MDGA2: variants seen among roughly 807,000 people sequenced by gnomAD.
The protein encoded by MDGA2 is MAM domain containing glycosylphosphatidylinositol anchor 2, also known as MAM domain-containing glycosylphosphatidylinositol anchor protein 2.
MDGA2 carries 40 observed loss-of-function variants against 117.8 expected under a neutral mutation model. The observed-to-expected ratio is 0.34, with a 90% CI of 0.26 to 0.44. The LOEUF (loss-of-function observed/expected upper bound fraction) is 0.44. MDGA2 is among the 20% of genes least tolerant of loss of function. The pLI, the probability that MDGA2 is intolerant of heterozygous loss-of-function variation, is 1.00. For synonymous variants in MDGA2, 452 were observed against 439.0 expected (o/e 1.03, Z -0.37); for missense variants, 1,123 against 1,250.6 (o/e 0.90, Z 1.54).
intron 1 of MDGA2, among the ~76,000 whole-genome samples, chr14:47,456,058 G>T (rs1020103057): frequency 7.2e-5 from 11 of 151,734 alleles, no homozygotes; most frequent in African/African-American, 2.7e-4. Context: ...GAAAGAACAT[G>T]AGTGAGAATG....
At position 47,248,941 on chromosome 14, in the gene MDGA2, T is replaced by TCCTC. The variant is rs960514460; in HGVS notation, c.421-30750_421-30747dup. On this transcript the variant is annotated intron_variant, in intron 2 of 16. Coordinates refer to ENST00000399232, the MANE Select transcript of MDGA2 (RefSeq NM_001113498.3). ...CCCTTCCTTCCTTCCTTCCCTCCCT[T>TCCTC]CCTCCCTCCCTCCCTCCCTTTCTTC... 1.6e-3 allele frequency among the ~76,000 whole-genome samples: 237 copies of TCCTC among 150,034 alleles called. 1 individual carries two copies. The highest frequency in any genetic ancestry group is 5.5e-3 in the African/African-American group (224 of 40,928).
intron 2 of MDGA2, among the ~76,000 whole-genome samples, chr14:47,251,717 C>A (rs1242628107): frequency 6.6e-6 from 1 of 152,020 alleles, no homozygotes; most frequent in African/African-American, 2.4e-5. Flanking sequence ...TGGATAGATA[C>A]CAAATTGTTT....
chr14:47,557,799 A>G (rs1895712710), intron 1 of MDGA2, among the ~76,000 whole-genome samples: 1 of 152,214 alleles, frequency 6.6e-6, no homozygotes, highest in Non-Finnish European at 1.5e-5. Flanking sequence ...TTATAAATGT[A>G]TATGATTGAC....
chr14:47,482,197 G>C (rs1893968233), intron 1 of MDGA2, among the ~76,000 whole-genome samples: 1 of 151,946 alleles, frequency 6.6e-6, no homozygotes, highest in East Asian at 1.9e-4. Context: ...TGATTCTTAG[G>C]CTCCCAGGTG....
At chr14:47,481,658 G>C (rs775829516) in intron 1 of MDGA2, among the ~76,000 whole-genome samples, 1 of 151,876 alleles carries the variant, frequency 6.6e-6, no homozygotes, top group Admixed American at 6.6e-5. Flanking sequence ...AGTCACATAC[G>C]AGAAATGATG....
At chr14:47,508,854 A>AT (rs1309905619) in intron 1 of MDGA2, among the ~76,000 whole-genome samples, 18 of 152,078 alleles carry the variant, frequency 1.2e-4, no homozygotes, top group Admixed American at 9.8e-4. Context: ...TAATTTTTAA[A>AT]TTTTTTTTTG....
At chr14:47,351,073 G>A (rs1890867627) in intron 1 of MDGA2, among the ~76,000 whole-genome samples, 1 of 101,844 alleles carries the variant, frequency 9.8e-6, no homozygotes, top group Non-Finnish European at 2.1e-5. Context: ...CACCAGGCCC[G>A]GCTAATTTTT....
rs1888305539 is a variant in MDGA2, at chr14:47,022,073, A to G, written c.1819+12938T>C. ...ATATAATCTAAATCATTTGAAAATA[A>G]AACAATTGAATCTAAAATATATTTT... On this transcript the variant is annotated intron_variant, in intron 8 of 16. Transcript: ENST00000399232. Among the ~76,000 whole-genome samples the G allele has an allele frequency of 1.3e-5, 2 of 152,200 alleles. 1 individual carries two copies. Among genetic ancestry groups the G allele is most frequent in the South Asian group, 4.1e-4 (2 of 4,838 alleles).
At chr14:47,588,972 T>C (rs1896385604) in intron 1 of MDGA2, among the ~76,000 whole-genome samples, 1 of 151,852 alleles carries the variant, frequency 6.6e-6, no homozygotes, top group African/African-American at 2.4e-5. Flanking sequence ...CACCCTCTGG[T>C]TCCATCTTTA....
chr14:47,619,493 C>G (rs1449050613), intron 1 of MDGA2, among the ~76,000 whole-genome samples: 1 of 152,090 alleles, frequency 6.6e-6, no homozygotes, highest in Non-Finnish European at 1.5e-5. Context: ...TGGAAGTAGC[C>G]ATGACTCAGA....
chr14:47,478,314 AG>A (rs1235961335), intron 1 of MDGA2, among the ~76,000 whole-genome samples: 1 of 152,170 alleles, frequency 6.6e-6, no homozygotes, highest in Admixed American at 6.5e-5. Context: ...CCAAAACAAA[AG>A]GTTATTCAAT....
chr14:47,208,194 G>A (rs1160244771), intron 3 of MDGA2, among the ~76,000 whole-genome samples: 2 of 151,962 alleles, frequency 1.3e-5, no homozygotes, highest in South Asian at 2.1e-4. Flanking sequence ...TATAATGCCA[G>A]TCAACAATGG....
At chr14:47,208,945 C>T (rs1471774604) in intron 3 of MDGA2, among the ~76,000 whole-genome samples, 1 of 149,286 alleles carries the variant, frequency 6.7e-6, no homozygotes, top group Non-Finnish European at 1.5e-5. Context: ...ACACTACAAG[C>T]TTTCATTACA....
chr14:46,985,550 T>C (rs1369617448), intron 8 of MDGA2, among the ~76,000 whole-genome samples: 5 of 152,090 alleles, frequency 3.3e-5, no homozygotes, highest in Non-Finnish European at 5.9e-5. Context: ...CCCCAAATAC[T>C]GTGCTGTCAA....
chr14:47,402,550 G>A (rs1892177040), intron 1 of MDGA2, among the ~76,000 whole-genome samples: 1 of 152,104 alleles, frequency 6.6e-6, no homozygotes. Context: ...CAAAGCATGT[G>A]TATTTTGTAA....
chr14:46,856,907 T>A (rs1048430464), intron 14 of MDGA2, among the ~76,000 whole-genome samples: 1 of 152,174 alleles, frequency 6.6e-6, no homozygotes, highest in Admixed American at 6.5e-5. Flanking sequence ...CAGAGTCTAA[T>A]TAGAGTCAAT....
chr14:46,872,877 C>T (rs1882066914), intron 14 of MDGA2, among the ~76,000 whole-genome samples: 1 of 151,892 alleles, frequency 6.6e-6, no homozygotes, highest in East Asian at 1.9e-4. Flanking sequence ...CTGATCTTAT[C>T]CTCTATTACT....
At chr14:47,057,945 T>C (rs1889746219) in intron 7 of MDGA2, among the ~76,000 whole-genome samples, 1 of 152,052 alleles carries the variant, frequency 6.6e-6, no homozygotes, top group East Asian at 1.9e-4. Flanking sequence ...AATCAGATCA[T>C]TGTCTTTTGA....
chr14:47,428,659 G>T (rs1035515889), intron 1 of MDGA2, among the ~76,000 whole-genome samples: 2 of 151,784 alleles, frequency 1.3e-5, no homozygotes, highest in Admixed American at 1.3e-4. Context: ...TCTAAGAAGA[G>T]CTTTTCCCTA....
Sources: allele counts gnomAD v4.1 joint callset (sites outside exome capture counted in the v4.1 genomes callset), GRCh38; gene constraint gnomAD v4.1.1; transcripts MANE v1.5; gene names NCBI Gene and HGNC (gene_info 2026-07-23, HGNC 2026-07-21).